Variants in EPN2 observed in about 807,000 individuals in gnomAD.
The protein encoded by EPN2 is epsin-2.
Under a neutral mutation model 61.7 loss-of-function variants are expected in EPN2, and 34 were observed. That is an observed-to-expected ratio of 0.55 (90% CI 0.42 to 0.73). EPN2 has a LOEUF of 0.73. EPN2 is among the 30% of genes least tolerant of loss of function. The probability of loss-of-function intolerance (pLI) is 0.00; values close to 1 mark genes in which losing one functional copy is unlikely to be tolerated. For missense variants in EPN2, 714 were observed against 839.2 expected (o/e 0.85, Z 1.84); for synonymous variants, 349 against 353.6 (o/e 0.99, Z 0.15).
In EPN2 at chr17:19,312,163, G is replaced by A. The variant is rs1906171865; in HGVS notation, c.972+19G>A. 7.0e-6 allele frequency: 11 copies of A among 1,578,196 alleles called. No individual in the cohort carries two copies. In the East Asian group the frequency reaches 2.5e-4, roughly 35 times the overall value. ...GAAAGAGGTAAGAGCTTGCTGGGAG[G>A]GTAGATGTTTCACCCTGTCCTGTAG... On this transcript the variant is annotated intron_variant, in intron 6 of 10. Transcript: ENST00000314728.
chr17:19,335,363 A>T lies in EPN2; in HGVS notation c.*1109A>T, dbSNP rs866631087. 5.8e-5 allele frequency: 89 copies of T among 1,540,972 alleles called. No individual in the cohort carries two copies. Among genetic ancestry groups the T allele is most frequent in the Middle Eastern group, 3.4e-4 (2 of 5,968 alleles). On this transcript the variant is annotated 3_prime_UTR_variant, in exon 11 of 11. Coordinates refer to ENST00000314728, the MANE Select transcript of EPN2 (RefSeq NM_014964.5). ...GAAAAAAATCTAATGTATGAATGTG[A>T]CTCACCAATTTTTATCAACTAATTC...
At position 19,313,168 on chromosome 17, in the gene EPN2, C is replaced by T; in HGVS notation, c.1036C>T (p.Pro346Ser). 1.2e-6 allele frequency: 2 copies of T among 1,613,792 alleles called. No homozygotes were observed. The highest frequency in any genetic ancestry group is 1.7e-6 in the Non-Finnish European group (2 of 1,179,842). Reference sequence around the variant, plus strand: ...AATGGATGCTCTCCCCAGCTCGGGCCCCGCGGCCCAGAAAGCAGAGCCCTG... The same window carrying T: ...AATGGATGCTCTCCCCAGCTCGGGCTCCGCGGCCCAGAAAGCAGAGCCCTG... ...DLMDALPSSG[P>S]AAQKAEPWGP... The change falls in exon 7 of 11, where the codon CCC becomes TCC. Residue 346 changes from proline to serine, a missense_variant. Transcript: ENST00000314728.
intron 4 of EPN2, among the ~76,000 whole-genome samples, chr17:19,304,435 C>T (rs1905720710): frequency 6.6e-6 from 1 of 152,200 alleles, no homozygotes; most frequent in Admixed American, 6.5e-5. Context: ...GCTCCCTAGC[C>T]CCTCCCTCGA....
chr17:19,263,339 A>G (rs188786312), intron 1 of EPN2, among the ~76,000 whole-genome samples: 10 of 152,316 alleles, frequency 6.6e-5, no homozygotes, highest in Non-Finnish European at 1.5e-4. Context: ...CCTGGGGCCC[A>G]TGAGAGTGGT....
chr17:19,277,935 T>C (rs1213971621), intron 1 of EPN2, among the ~76,000 whole-genome samples: 1 of 151,706 alleles, frequency 6.6e-6, no homozygotes, highest in Non-Finnish European at 1.5e-5. Flanking sequence ...TAGCTGGGCG[T>C]GGTGGTGGGT....
chr17:19,308,873 T>C (rs956890824), intron 4 of EPN2, among the ~76,000 whole-genome samples: 1 of 152,226 alleles, frequency 6.6e-6, no homozygotes, highest in African/African-American at 2.4e-5. Flanking sequence ...ATGGTTTATG[T>C]TGTGAATGTT....
intron 1 of EPN2, among the ~76,000 whole-genome samples, chr17:19,243,698 C>T (rs1295611778): frequency 4.0e-5 from 6 of 151,862 alleles, no homozygotes; most frequent in Non-Finnish European, 5.9e-5. Context: ...CGGCCATGCC[C>T]GGCTAATTTT....
Position 19,285,629 on chromosome 17 carries a change from C to A in EPN2, c.605C>A (p.Ala202Asp). The change falls in exon 4 of 11, where the codon GCC becomes GAC. Residue 202 changes from alanine (A) to aspartate (D), a missense_variant. Coordinates refer to ENST00000314728, the MANE Select transcript of EPN2 (RefSeq NM_014964.5). The surrounding 1 kb of genome is among the most constrained non-coding windows in gnomAD (Gnocchi z 4.5). Reference protein sequence around the residue: ...SPASYHGSPEASLCPQHRTGA... With the variant: ...SPASYHGSPEDSLCPQHRTGA... The stretch of plus-strand genomic sequence containing the variant: ...TGTCCCTGCCCCACAGCGCCTGAGG[C>A]CTCGCTGTGCCCCCAGCACCGCACA... The A allele has an allele frequency of 6.5e-7, 1 of 1,548,042 alleles. No individual in the cohort carries two copies. Among genetic ancestry groups the A allele is most frequent in the Non-Finnish European group, 8.7e-7 (1 of 1,146,062 alleles).
chr17:19,315,082 G>T (rs1046584600), intron 7 of EPN2, among the ~76,000 whole-genome samples: 22 of 152,222 alleles, frequency 1.4e-4, no homozygotes, highest in African/African-American at 5.1e-4. Context: ...GTGGGAAGGA[G>T]ACTTAGTTTT....
intron 1 of EPN2, among the ~76,000 whole-genome samples, chr17:19,272,477 T>G (rs1421537305): frequency 6.6e-6 from 1 of 152,048 alleles, no homozygotes; most frequent in East Asian, 1.9e-4. Context: ...TGGCAGGGAA[T>G]TGAATCACTG....
intron 2 of EPN2, 135 bp downstream of exon 2, chr17:19,282,212 G>T (rs925329268): frequency 1.3e-5 from 2 of 152,172 alleles, no homozygotes; most frequent in African/African-American, 2.4e-5. Context: ...TTTTAAGGCT[G>T]TATTAGCTTG....
At position 19,262,703 on chromosome 17, in the gene EPN2, A is replaced by G. The variant is rs1567846393; in HGVS notation, c.-293-19252A>G. Among the ~76,000 whole-genome samples, 3 of 150,752 alleles carry G rather than the reference A, an allele frequency of 2.0e-5. No homozygotes were observed. The Admixed American group carries it at 2.0e-4, about 10-fold the overall frequency. On this transcript the variant is annotated intron_variant, in intron 1 of 10. Coordinates refer to ENST00000314728, the MANE Select transcript of EPN2 (RefSeq NM_014964.5). ...TAATCTTATTTTAGAACATTTTATTACCCCCAAAAGCAACCCTGTACCCAT... is the reference window on the plus strand; with the variant it reads ...TAATCTTATTTTAGAACATTTTATTGCCCCCAAAAGCAACCCTGTACCCAT...
At position 19,335,319 on chromosome 17, in the gene EPN2, C is replaced by T; in HGVS notation, c.*1065C>T. ...GAGGCTATTTTTCTTACGAATATAC[C>T]AACATCCTGAAAGTTAAAGAAAAAA... On this transcript the variant is annotated 3_prime_UTR_variant, in exon 11 of 11. Coordinates refer to ENST00000314728, the MANE Select transcript of EPN2 (RefSeq NM_014964.5). 2 of 1,372,106 alleles carry T rather than the reference C, an allele frequency of 1.5e-6. No individual in the cohort carries two copies. The highest frequency in any genetic ancestry group is 2.0e-6 in the Non-Finnish European group (2 of 1,007,050). 85.0% of individuals were successfully genotyped at this position (1,372,106 alleles called of 1,614,324 possible).
At chr17:19,291,276 T>G (rs2045461818) in intron 4 of EPN2, among the ~76,000 whole-genome samples, 1 of 152,166 alleles carries the variant, frequency 6.6e-6, no homozygotes. Flanking sequence ...CCGTGATCAT[T>G]GTCCTGCGGC....
intron 4 of EPN2, among the ~76,000 whole-genome samples, chr17:19,304,493 C>A (rs1405848560): frequency 6.6e-6 from 1 of 152,176 alleles, no homozygotes; most frequent in Non-Finnish European, 1.5e-5. Flanking sequence ...TCCTCGGAGG[C>A]CTGGGAAGGG....
intron 4 of EPN2, among the ~76,000 whole-genome samples, chr17:19,307,146 G>A (rs910537182): frequency 6.6e-6 from 1 of 152,124 alleles, no homozygotes; most frequent in Non-Finnish European, 1.5e-5. Flanking sequence ...TTTTGTTTTG[G>A]TGTATTATTA....
At chr17:19,275,190 C>T (rs954277469) in intron 1 of EPN2, among the ~76,000 whole-genome samples, 3 of 152,192 alleles carry the variant, frequency 2.0e-5, no homozygotes, top group South Asian at 2.1e-4. Flanking sequence ...TGTCTCTGCA[C>T]TCCTACTTGA....
chr17:19,243,645 G>A (rs923730891), intron 1 of EPN2, among the ~76,000 whole-genome samples: 11 of 151,796 alleles, frequency 7.2e-5, no homozygotes, highest in African/African-American at 2.7e-4. Flanking sequence ...CGCCTGCCTC[G>A]GCCTCCCAAA....
chr17:19,308,040 A>G, intron 4 of EPN2: 2 of 983,628 alleles, frequency 2.0e-6, no homozygotes, highest in Non-Finnish European at 2.4e-6. Context: ...AAATAGATGT[A>G]ATGAAAGAAG....
Sources: allele counts gnomAD v4.1 joint callset (sites outside exome capture counted in the v4.1 genomes callset), GRCh38; gene constraint gnomAD v4.1.1; non-coding constraint Gnocchi (gnomAD v3.1); transcripts MANE v1.5; gene names NCBI Gene and HGNC (gene_info 2026-07-23, HGNC 2026-07-21).